CANT1: variants seen among roughly 807,000 people sequenced by gnomAD.
CANT1 encodes the protein calcium activated nucleotidase 1, also known as soluble calcium-activated nucleotidase 1.
CANT1 carries 26 observed loss-of-function variants against 30.0 expected under a neutral mutation model. The ratio of observed to expected loss-of-function variants is 0.87; its 90% confidence interval spans 0.64 to 1.20. The LOEUF (loss-of-function observed/expected upper bound fraction) is 1.20. Among genes scored for constraint, CANT1 ranks in the 50% most tolerant of loss-of-function variants. The pLI is 0.00. For missense variants in CANT1, 518 were observed against 563.0 expected (o/e 0.92, Z 0.81); for synonymous variants, 246 against 251.8 (o/e 0.98, Z 0.22).
rs1036605877 is a variant in CANT1 at position 79,002,442 on chromosome 17, C to T, written c.-146-4479G>A. ...CACCCGTGGGCCAAATGCAGTCTCC[C>T]GCCTAGTGTGTAGATGCGGCCTGTG... On this transcript the variant is annotated intron_variant, in intron 1 of 4. Transcript: ENST00000392446. The surrounding 1 kb of genome is among the most constrained non-coding windows in gnomAD (Gnocchi z 4.0). Among the ~76,000 whole-genome samples, 41 of 152,228 alleles carry T rather than the reference C, an allele frequency of 2.7e-4. No homozygotes were observed. The highest frequency in any genetic ancestry group is 3.2e-3 in the Middle Eastern group (1 of 316).
In CANT1 at chr17:78,992,195, CCCT is replaced by C. The variant is rs1410746398; in HGVS notation, c.*1352_*1354del. Reference sequence around the variant, plus strand: ...ATGAGAGAGGGGTCCCTCCTCGCTGCCCTCCTCGCAGCTGTGCTTGAGTTTCAA... The same window carrying C: ...ATGAGAGAGGGGTCCCTCCTCGCTGCCCTCGCAGCTGTGCTTGAGTTTCAA... On this transcript the variant is annotated 3_prime_UTR_variant, in exon 5 of 5. Transcript: ENST00000392446. 2 of 232,260 alleles carry C rather than the reference CCCT, an allele frequency of 8.6e-6. No homozygotes were observed. Among genetic ancestry groups the C allele is most frequent in the East Asian group, 6.1e-5 (1 of 16,420 alleles). 14.4% of individuals were successfully genotyped at this position (232,260 alleles called of 1,614,324 possible).
chr17:78,992,380 C>T lies in CANT1; in HGVS notation c.*1170G>A, dbSNP rs539800768. On this transcript the variant is annotated 3_prime_UTR_variant, in exon 5 of 5. Coordinates refer to ENST00000392446, the MANE Select transcript of CANT1 (RefSeq NM_001159773.2). ...GGGAGGGCACTGTGAATGATGGAAA[C>T]GTCCCTTCTCAGCCTGGGTCGTGCC... is the stretch of plus-strand genomic sequence containing the variant. The T allele has an allele frequency of 1.8e-4, 50 of 280,310 alleles. No individual in the cohort carries two copies. The highest frequency in any genetic ancestry group is 8.5e-4 in the African/African-American group (40 of 47,208). The allele number at this position is 280,310 out of a possible 1,614,324, so 17.4% of individuals were successfully genotyped here. A position where few individuals can be genotyped will look rare whatever the true frequency, so the allele number is the denominator to read the frequency against.
chr17:79,006,015 A>G (rs76745100), intron 1 of CANT1: 3,868 of 152,346 alleles, frequency 0.025, 66 homozygotes, highest in African/African-American at 0.047. Flanking sequence ...CCAGAAAGGA[A>G]GAAGGTCACA....
chr17:79,007,244 T>C (rs932619579), intron 1 of CANT1, among the ~76,000 whole-genome samples: 2 of 152,222 alleles, frequency 1.3e-5, no homozygotes, highest in East Asian at 1.9e-4. Context: ...AAAATCAACA[T>C]GAACATTCTT....
Position 78,992,295 on chromosome 17 carries a change from C to T in CANT1, c.*1255G>A, listed in dbSNP as rs971873811. 1.3e-5 allele frequency: 3 copies of T among 234,872 alleles called. No homozygotes were observed. Among genetic ancestry groups the T allele is most frequent in the African/African-American group, 6.6e-5 (3 of 45,260 alleles). The allele number at this position is 234,872 out of a possible 1,614,324, so 14.5% of individuals were successfully genotyped here. On this transcript the variant is annotated 3_prime_UTR_variant, in exon 5 of 5. Transcript: ENST00000392446. ...GCACCCTCCGGCCCACCGTGGCACC[C>T]CTGACGATCGCGGGGTGGGGTAGGA...
chr17:78,997,341 A>G lies in CANT1; in HGVS notation c.282T>C (p.Ser94=). The G allele has an allele frequency of 6.2e-7, 1 of 1,613,152 alleles. No homozygotes were observed. Among genetic ancestry groups the G allele is most frequent in the Non-Finnish European group, 8.5e-7 (1 of 1,179,842 alleles). Residue 94 remains serine, a synonymous_variant, in exon 3 of 5, where the codon TCT becomes TCC. Transcript: ENST00000392446. This position sits in a 1 kb window ranked among gnomAD's most constrained non-coding sequence, Gnocchi z 7.5. ...TCCCAGCCGGTGTCCTTTGTGGGGG[A>G]GACAGGGGGTAGGTGTCATTGTACC... ...ANWYNDTYPL[S]PPQRTPAGIR...
In CANT1 at chr17:78,993,485, G is replaced by C. The variant is rs571095145; in HGVS notation, c.*65C>G. The C allele has an allele frequency of 6.2e-7, 1 of 1,609,530 alleles. No homozygotes were observed. The highest frequency in any genetic ancestry group is 1.3e-5 in the African/African-American group (1 of 74,852). The stretch of plus-strand genomic sequence containing the variant: ...CCAAAAAGAACAAAACAAAACAAAA[G>C]TGCACTCCTCTTGTTTTTATAAAAG... On this transcript the variant is annotated 3_prime_UTR_variant, in exon 5 of 5. Coordinates refer to ENST00000392446, the MANE Select transcript of CANT1 (RefSeq NM_001159773.2). The surrounding 1 kb of genome is among the most constrained non-coding windows in gnomAD (Gnocchi z 4.5).
rs763091874 is a variant in CANT1 at position 78,995,130 on chromosome 17, C to T, written c.723G>A (p.Val241=). 1.2e-6 allele frequency: 2 copies of T among 1,614,030 alleles called. No homozygotes were observed. Among genetic ancestry groups the T allele is most frequent in the South Asian group, 2.2e-5 (2 of 91,030 alleles). Reference sequence around the variant, plus strand: ...CCTTCACCCACTCCGGGTTCTCGTTCACCACATCACCCGTAGTGGTCGTCC... The same window carrying T: ...CCTTCACCCACTCCGGGTTCTCGTTTACCACATCACCCGTAGTGGTCGTCC... ...KEWTTTTGDV[V]NENPEWVKVV... is the part of the protein sequence containing the mutation. Residue 241 remains valine (V), a synonymous_variant, in exon 4 of 5, where the codon GTG becomes GTA. Coordinates refer to ENST00000392446, the MANE Select transcript of CANT1 (RefSeq NM_001159773.2). The surrounding 1 kb of genome is among the most constrained non-coding windows in gnomAD (Gnocchi z 5.7).
rs916479044 is a variant in CANT1, at chr17:78,995,356, G to A, written c.632-135C>T. On this transcript the variant is annotated intron_variant, in intron 3 of 4. Transcript: ENST00000392446. This position sits in a 1 kb window ranked among gnomAD's most constrained non-coding sequence, Gnocchi z 5.7. The stretch of plus-strand genomic sequence containing the variant: ...CCGGCTCCACACCTGCCTCCCCTCC[G>A]GCCCGCACCTGGCTCCCGCCCAGGG... 22 of 949,836 alleles carry A rather than the reference G, an allele frequency of 2.3e-5. No individual in the cohort carries two copies. The highest frequency in any genetic ancestry group is 3.1e-5 in the Non-Finnish European group (19 of 622,066). The allele number at this position is 949,836 out of a possible 1,614,324, so 58.8% of individuals were successfully genotyped here. A position where few individuals can be genotyped will look rare whatever the true frequency, so the allele number is the denominator to read the frequency against.
rs1456102372 is a variant in CANT1 at position 78,993,985 on chromosome 17, A to C, written c.836-65T>G. 6.6e-7 allele frequency: 1 copy of C among 1,515,168 alleles called. No individual in the cohort carries two copies. The highest frequency in any genetic ancestry group is 8.8e-7 in the Non-Finnish European group (1 of 1,135,372). The allele number at this position is 1,515,168 out of a possible 1,614,324, so 93.9% of individuals were successfully genotyped here. ...CTGGTGTGCCCAGCCCCACACCATC[A>C]GGCCGTGCGCAGTAGCAGGCAAGGG... On this transcript the variant is annotated intron_variant, in intron 4 of 4. Transcript: ENST00000392446. This position sits in a 1 kb window ranked among gnomAD's most constrained non-coding sequence, Gnocchi z 4.5.
intron 1 of CANT1, among the ~76,000 whole-genome samples, chr17:79,006,650 G>A (rs1212135185): frequency 1.3e-5 from 2 of 152,152 alleles, no homozygotes; most frequent in Non-Finnish European, 2.9e-5. Context: ...TTGTATCATC[G>A]ATGTTACACC....
At position 78,997,053 on chromosome 17, in the gene CANT1, G is replaced by A. The variant is rs376733332; in HGVS notation, c.570C>T (p.Ile190=). 9.3e-6 allele frequency: 15 copies of A among 1,614,060 alleles called. No individual in the cohort carries two copies. Among genetic ancestry groups the A allele is most frequent in the East Asian group, 4.5e-5 (2 of 44,880 alleles). ...CCCAGGGCACGGCTTTGCTGCCTTC[G>A]ATCTGGTAGACGACCCCCGTCCGGT... ...VDDRTGVVYQ[I]EGSKAVPWVI... is the part of the protein sequence containing the mutation. The change falls in exon 3 of 5, where the codon ATC becomes ATT. Residue 190 remains isoleucine (I), a synonymous_variant. Transcript: ENST00000392446. The surrounding 1 kb of genome is among the most constrained non-coding windows in gnomAD (Gnocchi z 7.5).
rs1721025872 is a variant in CANT1 at position 79,009,727 on chromosome 17, G to C, written c.-210C>G. 6.6e-6 allele frequency: 1 copy of C among 151,612 alleles called. No homozygotes were observed. Among genetic ancestry groups the C allele is most frequent in the Admixed American group, 6.6e-5 (1 of 15,212 alleles). 9.4% of individuals were successfully genotyped at this position (151,612 alleles called of 1,614,324 possible). A position where few individuals can be genotyped will look rare whatever the true frequency, so the allele number is the denominator to read the frequency against. The stretch of plus-strand genomic sequence containing the variant: ...GCTTGGCTGGGCTTGGCTGGGCTTG[G>C]CTGGGCTAACGGCCGGGACGGAGGA... On this transcript the variant is annotated 5_prime_UTR_variant, in exon 1 of 5. Coordinates refer to ENST00000392446, the MANE Select transcript of CANT1 (RefSeq NM_001159773.2).
At chr17:78,999,579 G>A (rs1227475659) in intron 1 of CANT1, among the ~76,000 whole-genome samples, 2 of 150,912 alleles carry the variant, frequency 1.3e-5, no homozygotes, top group Non-Finnish European at 2.9e-5. Flanking sequence ...AGGCTCAAGC[G>A]ATCCTCCCAC....
Position 78,993,434 on chromosome 17 carries a change from T to A in CANT1, c.*116A>T. 6.7e-7 allele frequency: 1 copy of A among 1,502,834 alleles called. No individual in the cohort carries two copies. The highest frequency in any genetic ancestry group is 1.2e-5 in the South Asian group (1 of 85,928). The allele number at this position is 1,502,834 out of a possible 1,614,324, so 93.1% of individuals were successfully genotyped here. ...ATGGGGCCCGGGACTGGGCTCCCTGTCCAGACCTCCAACCCAGGCACAGTT... is the reference window on the plus strand; with the variant it reads ...ATGGGGCCCGGGACTGGGCTCCCTGACCAGACCTCCAACCCAGGCACAGTT... On this transcript the variant is annotated 3_prime_UTR_variant, in exon 5 of 5. Transcript: ENST00000392446. This position sits in a 1 kb window ranked among gnomAD's most constrained non-coding sequence, Gnocchi z 4.5.
Position 78,997,350 on chromosome 17 carries a change from G to A in CANT1, c.273C>T (p.Tyr91=), listed in dbSNP as rs369008128. ...GTGTCCTTTGTGGGGGAGACAGGGG[G>A]TAGGTGTCATTGTACCAGTTGGCGG... ...QAPANWYNDT[Y]PLSPPQRTPA... Residue 91 remains tyrosine (Y), a synonymous_variant, in exon 3 of 5, where the codon TAC becomes TAT. Coordinates refer to ENST00000392446, the MANE Select transcript of CANT1 (RefSeq NM_001159773.2). The surrounding 1 kb of genome is among the most constrained non-coding windows in gnomAD (Gnocchi z 7.5). The A allele has an allele frequency of 4.3e-6, 7 of 1,613,922 alleles. No homozygotes were observed. The highest frequency in any genetic ancestry group is 5.9e-6 in the Non-Finnish European group (7 of 1,180,014).
At position 78,995,064 on chromosome 17, in the gene CANT1, C is replaced by T; in HGVS notation, c.789G>A (p.Val263=). ...CAGCCCGCAGGGCGTTGTAGTTGGA[C>T]ACCCAGTTCTCGTGGTCCACGCTGC... is the stretch of plus-strand genomic sequence containing the variant. ...YKGSVDHENW[V]SNYNALRAAA... is the part of the protein sequence containing the mutation. Residue 263 remains valine (V), a synonymous_variant, in exon 4 of 5, where the codon GTG becomes GTA. Coordinates refer to ENST00000392446, the MANE Select transcript of CANT1 (RefSeq NM_001159773.2). This position sits in a 1 kb window ranked among gnomAD's most constrained non-coding sequence, Gnocchi z 5.7. 6.2e-7 allele frequency: 1 copy of T among 1,604,408 alleles called. No homozygotes were observed. The highest frequency in any genetic ancestry group is 8.5e-7 in the Non-Finnish European group (1 of 1,175,590).
At chr17:79,003,350 CTGGTGTATGA>C (rs1474436791) in intron 1 of CANT1, among the ~76,000 whole-genome samples, 1 of 151,418 alleles carries the variant, frequency 6.6e-6, no homozygotes, top group Non-Finnish European at 1.5e-5. Flanking sequence ...ACAGCCCATG[CTGGTGTATGA>C]GCTACCACTG....
intron 1 of CANT1, among the ~76,000 whole-genome samples, chr17:79,007,686 C>T (rs2071599442): frequency 6.6e-6 from 1 of 152,230 alleles, no homozygotes; most frequent in East Asian, 1.9e-4. Context: ...TCCTCACGTA[C>T]TCTGCAGCTC....
Sources: gnomAD v4.1 joint callset for allele counts (sites outside exome capture counted in the v4.1 genomes callset) on GRCh38, gnomAD v4.1.1 for gene constraint, Gnocchi (gnomAD v3.1) non-coding constraint, MANE v1.5 for transcripts, NCBI Gene and HGNC (gene_info 2026-07-23, HGNC 2026-07-21) for gene names.